The following HTR2C variants were observed in gnomAD, a reference collection of about 807,000 sequenced individuals.
HTR2C encodes the protein 5-hydroxytryptamine (serotonin) receptor 2C, G protein-coupled.
In HTR2C, 5 loss-of-function variants were observed where a neutral mutation model predicts 21.0. The observed-to-expected ratio is 0.24, with a 90% CI of 0.12 to 0.50. The LOEUF (loss-of-function observed/expected upper bound fraction) is 0.50, where lower values mean the gene tolerates loss of function less well. Ranked by LOEUF, HTR2C falls within the 20% of genes least tolerant of loss-of-function variation. The pLI is 0.98. For missense variants in HTR2C, 271 were observed against 371.2 expected (o/e 0.73, Z 2.22); for synonymous variants, 150 against 145.3 (o/e 1.03, Z -0.23).
chrX:114,908,399 A>G lies in HTR2C; in HGVS notation c.*984A>G, dbSNP rs2147544653. On this transcript the variant is annotated 3_prime_UTR_variant, in exon 6 of 6. Transcript: ENST00000276198. ...CTCTGTCTATAGGACTTAATTTAGC[A>G]GTCCATTTTTGAGTAAAACTTGTAT... is the stretch of plus-strand genomic sequence containing the variant. The G allele has an allele frequency of 8.9e-6, 1 of 112,109 alleles. No homozygotes were observed. Among genetic ancestry groups the G allele is most frequent in the African/African-American group, 3.2e-5 (1 of 30,843 alleles). 9.2% of individuals were successfully genotyped at this position (112,109 alleles called of 1,213,427 possible).
At chrX:114,788,005 A>AT (rs1177063803) in intron 4 of HTR2C, among the ~76,000 whole-genome samples, 1 of 110,705 alleles carries the variant, frequency 9.0e-6, no homozygotes, top group African/African-American at 3.3e-5. Flanking sequence ...GGGGAAATTA[A>AT]TTTTTTGATA....
At chrX:114,798,114 C>A (rs1184557678) in intron 4 of HTR2C, among the ~76,000 whole-genome samples, 1 of 110,941 alleles carries the variant, frequency 9.0e-6, no homozygotes, top group Non-Finnish European at 1.9e-5. Context: ...GCTCTATATT[C>A]CTCAGATAAT....
chrX:114,855,500 T>C (rs1255911874), intron 5 of HTR2C, among the ~76,000 whole-genome samples: 3 of 110,752 alleles, frequency 2.7e-5, no homozygotes, highest in African/African-American at 9.8e-5. Context: ...ATAGACATTT[T>C]CCAAAAATTA....
At chrX:114,648,456 C>T (rs782303013) in intron 2 of HTR2C, among the ~76,000 whole-genome samples, 33 of 111,519 alleles carry the variant, frequency 3.0e-4, no homozygotes, top group Non-Finnish European at 4.7e-4. Context: ...GTCCAGGCAC[C>T]GTGACTCACC....
At chrX:114,721,848 G>A (rs1933231094) in intron 2 of HTR2C, among the ~76,000 whole-genome samples, 2 of 107,754 alleles carry the variant, frequency 1.9e-5, no homozygotes, top group Admixed American at 1.0e-4. Context: ...CGTTATTTCT[G>A]AGGGCTCTGT....
At chrX:114,729,146 C>A (rs1454101276) in intron 3 of HTR2C, among the ~76,000 whole-genome samples, 1 of 111,589 alleles carries the variant, frequency 9.0e-6, no homozygotes, top group Non-Finnish European at 1.9e-5. Context: ...TTTTTTGAGT[C>A]CAGTTCTTCA....
intron 2 of HTR2C, among the ~76,000 whole-genome samples, chrX:114,700,920 C>T (rs1443035830): frequency 9.0e-6 from 1 of 111,319 alleles, no homozygotes; most frequent in African/African-American, 3.3e-5. Flanking sequence ...CCGCACCTGG[C>T]TCGGAGGGTC....
chrX:114,790,717 A>G (rs2070222492), intron 4 of HTR2C, among the ~76,000 whole-genome samples: 1 of 112,005 alleles, frequency 8.9e-6, no homozygotes, highest in African/African-American at 3.2e-5. Context: ...AGAAAATAGC[A>G]CTGCTTAACT....
In HTR2C at chrX:114,754,293, C is replaced by G. The variant is rs1348154685; in HGVS notation, c.349+22686C>G. Among the ~76,000 whole-genome samples the G allele has an allele frequency of 3.6e-5, 4 of 111,504 alleles. No individual in the cohort carries two copies. In the Admixed American group the frequency reaches 3.8e-4, roughly 11 times the overall value. ...AAAAGGATTTTAAGACATGATCAAG[C>G]TTGTTTTAAAATTTATATAGAAAGA... is the stretch of plus-strand genomic sequence containing the variant. On this transcript the variant is annotated intron_variant, in intron 4 of 5. Coordinates refer to ENST00000276198, the MANE Select transcript of HTR2C (RefSeq NM_000868.4).
intron 5 of HTR2C, among the ~76,000 whole-genome samples, chrX:114,898,483 A>G (rs1212713495): frequency 8.9e-6 from 1 of 112,069 alleles, no homozygotes; most frequent in African/African-American, 3.2e-5. Context: ...GTCTATATTC[A>G]GAATGGTATT....
intron 2 of HTR2C, among the ~76,000 whole-genome samples, chrX:114,680,021 T>TC (rs148898014): frequency 1.2e-5 from 1 of 84,948 alleles, no homozygotes; most frequent in Non-Finnish European, 2.6e-5. Flanking sequence ...CTATTGGGCA[T>TC]TTTTTGTTAC....
At chrX:114,605,002 T>C (rs1255287282) in intron 1 of HTR2C, among the ~76,000 whole-genome samples, 1 of 111,657 alleles carries the variant, frequency 9.0e-6, no homozygotes, top group Non-Finnish European at 1.9e-5. Context: ...GATTGGGTAA[T>C]AAAATGTACT....
intron 2 of HTR2C, among the ~76,000 whole-genome samples, chrX:114,648,032 T>C (rs1312668513): frequency 1.8e-5 from 2 of 112,382 alleles, no homozygotes; most frequent in African/African-American, 6.5e-5. Flanking sequence ...GGAAACATCA[T>C]AAAGAAACGA....
chrX:114,673,069 G>A (rs1012559049), intron 2 of HTR2C, among the ~76,000 whole-genome samples: 1 of 111,645 alleles, frequency 9.0e-6, no homozygotes, highest in Admixed American at 9.6e-5. Context: ...CAGGGCAAAG[G>A]CTGCTTCTCA....
chrX:114,848,898 A>C (rs1556468429), intron 5 of HTR2C, among the ~76,000 whole-genome samples: 3 of 111,689 alleles, frequency 2.7e-5, no homozygotes, highest in Non-Finnish European at 5.6e-5. Flanking sequence ...AATTTAAACA[A>C]TTGGACTTTA....
chrX:114,626,214 C>CA lies in HTR2C; in HGVS notation c.-80+12348dup, dbSNP rs199644007. Among the ~76,000 whole-genome samples, 378 of 89,261 alleles carry CA rather than the reference C, an allele frequency of 4.2e-3. 2 individuals are homozygous for CA. The highest frequency in any genetic ancestry group is 9.9e-3 in the African/African-American group (233 of 23,569). 77.5% of individuals were successfully genotyped at this position (89,261 alleles called of 115,157 possible). ...GCAACATGTCAAAACCCCATCTCTG[C>CA]AAAAAAAAAAAAAAATAATAAAAAA... On this transcript the variant is annotated intron_variant, in intron 2 of 5. Transcript: ENST00000276198.
At chrX:114,713,335 A>C (rs1569486307) in intron 2 of HTR2C, among the ~76,000 whole-genome samples, 1 of 111,890 alleles carries the variant, frequency 8.9e-6, no homozygotes, top group Non-Finnish European at 1.9e-5. Flanking sequence ...TTTAGGAATA[A>C]TTCCTTAATT....
At position 114,762,734 on chromosome X, in the gene HTR2C, A is replaced by G. The variant is rs192274366; in HGVS notation, c.349+31127A>G. On this transcript the variant is annotated intron_variant, in intron 4 of 5. Coordinates refer to ENST00000276198, the MANE Select transcript of HTR2C (RefSeq NM_000868.4). ...TTTAAGAGTGAGTTCCAACTTTGCT[A>G]TCTTTTCTACCACTCCCCATCTTCT... is the stretch of plus-strand genomic sequence containing the variant. Among the ~76,000 whole-genome samples the G allele has an allele frequency of 6.0e-4, 67 of 111,857 alleles. No individual in the cohort carries two copies. In the Middle Eastern group the frequency reaches 0.014, roughly 23 times the overall value.
At chrX:114,732,502 G>C (rs1186183661) in intron 4 of HTR2C, among the ~76,000 whole-genome samples, 6 of 110,678 alleles carry the variant, frequency 5.4e-5, no homozygotes, top group Non-Finnish European at 9.5e-5. Flanking sequence ...AATCCTAAAA[G>C]AAAATAAATG....
Sources: gnomAD v4.1 joint callset for allele counts (sites outside exome capture counted in the v4.1 genomes callset) on GRCh38, gnomAD v4.1.1 for gene constraint, MANE v1.5 for transcripts, NCBI Gene and HGNC (gene_info 2026-07-23, HGNC 2026-07-21) for gene names.